Variants in CARMIL3 observed in about 807,000 individuals in gnomAD.
The protein encoded by CARMIL3 is capping protein regulator and myosin 1 linker 3.
In CARMIL3, 88 loss-of-function variants were observed where a neutral mutation model predicts 180.8. The observed-to-expected ratio is 0.49, with a 90% CI of 0.41 to 0.58. CARMIL3 has a LOEUF of 0.58. Among genes scored for constraint, CARMIL3 ranks in the 20% least tolerant of loss-of-function variants. CARMIL3 has a pLI of 0.00. For synonymous variants in CARMIL3, 696 were observed against 714.5 expected (o/e 0.97, Z 0.41); for missense variants, 1,548 against 1,787.0 (o/e 0.87, Z 2.41).
chr14:24,057,209 C>G lies in CARMIL3; in HGVS notation c.1105C>G (p.Leu369Val), dbSNP rs777421780. 6.2e-6 allele frequency: 10 copies of G among 1,613,978 alleles called. No individual in the cohort carries two copies. The Admixed American group carries it at 8.3e-5, about 13-fold the overall frequency. ...GGCCCAACCCAACGCCCTGGTGCAC[C>G]TGGACCTGTCAGGAACTGACTGCGT... ...FLAQPNALVH[L>V]DLSGTDCVID... Residue 369 changes from leucine (L) to valine (V), a missense_variant, in exon 14 of 40, where the codon CTG becomes GTG. Leu to Val is a conservative substitution (Grantham distance 32). Transcript: ENST00000342740.
In CARMIL3 at chr14:24,054,959, A is replaced by G; in HGVS notation, c.461-107A>G. The G allele has an allele frequency of 6.9e-7, 1 of 1,439,472 alleles. No homozygotes were observed. The highest frequency in any genetic ancestry group is 9.7e-7 in the Non-Finnish European group (1 of 1,034,810). The allele number at this position is 1,439,472 out of a possible 1,614,324, so 89.2% of individuals were successfully genotyped here. On this transcript the variant is annotated intron_variant, in intron 6 of 39. Coordinates refer to ENST00000342740, the MANE Select transcript of CARMIL3 (RefSeq NM_138360.4). The surrounding 1 kb of genome is among the most constrained non-coding windows in gnomAD (Gnocchi z 5.1). Reference sequence around the variant, plus strand: ...GACCTCAGGAAGTTCATGGCATAGCAAGAACCAAGAGCACTGGCACATAAA... The same window carrying G: ...GACCTCAGGAAGTTCATGGCATAGCGAGAACCAAGAGCACTGGCACATAAA...
Position 24,058,766 on chromosome 14 carries a change from G to T in CARMIL3, c.1474+5G>T, listed in dbSNP as rs1460825081. The stretch of plus-strand genomic sequence containing the variant: ...GCCTGGATCTGTCAGACAATGGTGA[G>T]TAGTGGTTCCTCCCTTCCCTGGGGC... On this transcript the variant is annotated splice_donor_5th_base_variant and intron_variant, in intron 18 of 39. Transcript: ENST00000342740. This position sits in a 1 kb window ranked among gnomAD's most constrained non-coding sequence, Gnocchi z 6.4. 1 of 1,614,098 alleles carries T rather than the reference G, an allele frequency of 6.2e-7. No individual in the cohort carries two copies. Among genetic ancestry groups the T allele is most frequent in the Admixed American group, 1.7e-5 (1 of 60,020 alleles).
intron 29 of CARMIL3, 69 bp downstream of exon 29, chr14:24,062,915 C>T: frequency 6.4e-7 from 1 of 1,555,590 alleles, no homozygotes; most frequent in Non-Finnish European, 8.7e-7. Flanking sequence ...CAACACTGTC[C>T]CCTTCCACTG....
In CARMIL3 at chr14:24,065,660, C is replaced by T. The variant is rs143201337; in HGVS notation, c.3435C>T (p.Ala1145=). 365 of 1,613,756 alleles carry T rather than the reference C, an allele frequency of 2.3e-4. 1 individual carries two copies. In the African/African-American group the frequency reaches 4.2e-3, roughly 19 times the overall value. The change falls in exon 34 of 40, where the codon GCC becomes GCT. Residue 1145 remains alanine, a synonymous_variant. Coordinates refer to ENST00000342740, the MANE Select transcript of CARMIL3 (RefSeq NM_138360.4). ...EGSEPGEGGP[A]PGTAQQPRVH... is the part of the protein sequence containing the mutation. ...CAGAGCCAGGGGAGGGGGGCCCAGC[C>T]CCTGGGACAGCACAGCAGCCAAGGG...
Position 24,061,470 on chromosome 14 carries a change from C to T in CARMIL3, c.2305-27C>T, listed in dbSNP as rs1291207931. 6.2e-7 allele frequency: 1 copy of T among 1,601,998 alleles called. No individual in the cohort carries two copies. Among genetic ancestry groups the T allele is most frequent in the South Asian group, 1.1e-5 (1 of 89,046 alleles). ...AGCCCTGATCCTGTCCCCCTTGGGC[C>T]TCTGGCCTCCCTTTCCCCCATACTA... is the stretch of plus-strand genomic sequence containing the variant. On this transcript the variant is annotated intron_variant, in intron 26 of 39. Transcript: ENST00000342740. The surrounding 1 kb of genome is among the most constrained non-coding windows in gnomAD (Gnocchi z 4.1).
At chr14:24,068,290 G>A (rs1294167101) in intron 36 of CARMIL3, among the ~76,000 whole-genome samples, 8 of 151,950 alleles carry the variant, frequency 5.3e-5, no homozygotes, top group Admixed American at 1.3e-4. Context: ...CCAGTTGTTC[G>A]GGAGGCTGAG....
At position 24,068,893 on chromosome 14, in the gene CARMIL3, T is replaced by TG. The variant is rs1566544842; in HGVS notation, c.3910dup (p.Ala1304GlyfsTer28). On this transcript the variant is annotated frameshift_variant, in exon 38 of 40. Coordinates refer to ENST00000342740, the MANE Select transcript of CARMIL3 (RefSeq NM_138360.4). LOFTEE classifies it high-confidence loss of function. The stretch of plus-strand genomic sequence containing the variant: ...TCAGGGAGGAGGCTGAGGCTGGAGA[T>TG]GCAGCTCCAGGAGTCAACAAACCCC... 1 of 1,606,314 alleles carries TG rather than the reference T, an allele frequency of 6.2e-7. No homozygotes were observed. The highest frequency in any genetic ancestry group is 8.5e-7 in the Non-Finnish European group (1 of 1,176,648).
chr14:24,055,125 G>A lies in CARMIL3; in HGVS notation c.520G>A (p.Glu174Lys), dbSNP rs1594547213. ...CDYNGLHCRE[E>K]VQWDVDTIYH... is the part of the protein sequence containing the mutation. ...CTACAATGGGCTACACTGCCGTGAG[G>A]AGGTTCAATGGGTATGTTGGGCAGG... Residue 174 changes from glutamate (E) to lysine (K), a missense_variant, in exon 7 of 40, where the codon GAG becomes AAG. By Grantham distance (56) the Glu-to-Lys change is moderately conservative. This residue lies in a region of CARMIL3 where 578 missense variants were observed against 666.5 expected (regional missense o/e 0.87). Coordinates refer to ENST00000342740, the MANE Select transcript of CARMIL3 (RefSeq NM_138360.4). The A allele has an allele frequency of 2.5e-6, 4 of 1,614,042 alleles. No individual in the cohort carries two copies. The highest frequency in any genetic ancestry group is 2.2e-5 in the East Asian group (1 of 44,880).
chr14:24,056,213 G>A (rs2035670071), intron 10 of CARMIL3, 86 bp from the exon 11 acceptor site: 2 of 1,109,470 alleles, frequency 1.8e-6, no homozygotes, highest in South Asian at 1.5e-5. Context: ...GCCCCAGCCA[G>A]GCAGTCAGGT....
intron 27 of CARMIL3, chr14:24,062,031 G>C (rs1207350662): frequency 3.1e-6 from 1 of 320,448 alleles, no homozygotes; most frequent in Non-Finnish European, 5.8e-6. Context: ...TGCCCCTAGA[G>C]TTCTTTCATT....
At chr14:24,066,773 C>A in intron 36 of CARMIL3, 117 bp downstream of exon 36, 1 of 1,015,792 alleles carries the variant, frequency 9.8e-7, no homozygotes, top group Non-Finnish European at 1.5e-6. Flanking sequence ...AGTGAGAAGT[C>A]AACACAGTGA....
chr14:24,068,334 T>A (rs12590845), intron 36 of CARMIL3, among the ~76,000 whole-genome samples: 41,893 of 148,268 alleles, frequency 0.28, 6,128 homozygotes, highest in East Asian at 0.48. Flanking sequence ...GAGGTGGAGG[T>A]TGCAGTGAGC....
rs190493569 is a variant in CARMIL3, at chr14:24,054,896, G to C, written c.460+88G>C. 1.9e-5 allele frequency: 28 copies of C among 1,455,672 alleles called. No individual in the cohort carries two copies. The African/African-American group carries it at 3.5e-4, about 18-fold the overall frequency. The allele number at this position is 1,455,672 out of a possible 1,614,324, so 90.2% of individuals were successfully genotyped here. A position where few individuals can be genotyped will look rare whatever the true frequency, so the allele number is the denominator to read the frequency against. ...TTTGTGCACAGGGTGTTGCCTGGGCGGGCGGGCTTTGCCTGCCTGAAGGAC... is the reference window on the plus strand; with the variant it reads ...TTTGTGCACAGGGTGTTGCCTGGGCCGGCGGGCTTTGCCTGCCTGAAGGAC... On this transcript the variant is annotated intron_variant, in intron 6 of 39. Transcript: ENST00000342740. This position sits in a 1 kb window ranked among gnomAD's most constrained non-coding sequence, Gnocchi z 5.1.
In CARMIL3 at chr14:24,060,137, A is replaced by C; in HGVS notation, c.1963-20A>C. 1 of 1,613,990 alleles carries C rather than the reference A, an allele frequency of 6.2e-7. No homozygotes were observed. Among genetic ancestry groups the C allele is most frequent in the Non-Finnish European group, 8.5e-7 (1 of 1,179,988 alleles). On this transcript the variant is annotated intron_variant, in intron 23 of 39. Coordinates refer to ENST00000342740, the MANE Select transcript of CARMIL3 (RefSeq NM_138360.4). ...AGCCCCCATCCCCAGGCCCTGACCC[A>C]CCAACCCCATCATCTCCAGATCCAA...
chr14:24,060,396 A>T (rs2035720800), intron 24 of CARMIL3, 141 bp downstream of exon 24: 4 of 1,123,748 alleles, frequency 3.6e-6, no homozygotes, highest in Non-Finnish European at 5.1e-6. Context: ...AAGCAAAAAG[A>T]GAGGACATGC....
Position 24,060,056 on chromosome 14 carries a change from G to A in CARMIL3, c.1955G>A (p.Trp652Ter). 6.2e-7 allele frequency: 1 copy of A among 1,613,926 alleles called. No individual in the cohort carries two copies. Among genetic ancestry groups the A allele is most frequent in the South Asian group, 1.1e-5 (1 of 91,090 alleles). The change falls in exon 23 of 40, where the codon TGG (tryptophan) becomes TAG (stop). Residue 652 changes from tryptophan to a stop codon, truncating the protein, a stop_gained. Coordinates refer to ENST00000342740, the MANE Select transcript of CARMIL3 (RefSeq NM_138360.4). LOFTEE classifies it high-confidence loss of function. ...GCGCCTGAGCGCACCGAGGACGTCT[G>A]GCAGAAGGTGCAGGGTGCTGTCCTA... ...RSAPERTEDV[W>*]QKIQWCLVRN...
intron 32 of CARMIL3, 85 bp downstream of exon 32, chr14:24,064,431 C>T: frequency 1.0e-6 from 1 of 981,092 alleles, no homozygotes; most frequent in Non-Finnish European, 1.6e-6. Context: ...CCATGGGAGT[C>T]TCCATAACAG....
At position 24,053,578 on chromosome 14, in the gene CARMIL3, C is replaced by T. The variant is rs2035640018; in HGVS notation, c.41-131C>T. On this transcript the variant is annotated intron_variant, in intron 1 of 39. Coordinates refer to ENST00000342740, the MANE Select transcript of CARMIL3 (RefSeq NM_138360.4). ...AAGAAGGAATGCCCTCTGTCCCTGT[C>T]CTCCCTTCTTTGTCTCTCTGTTTCT... 4.7e-6 allele frequency: 3 copies of T among 638,926 alleles called. No individual in the cohort carries two copies. In the Admixed American group the frequency reaches 9.6e-5, roughly 20 times the overall value. 39.6% of individuals were successfully genotyped at this position (638,926 alleles called of 1,614,324 possible).
rs544990916 is a variant in CARMIL3 at position 24,065,467 on chromosome 14, G to A, written c.3397-155G>A. On this transcript the variant is annotated intron_variant, in intron 33 of 39. Coordinates refer to ENST00000342740, the MANE Select transcript of CARMIL3 (RefSeq NM_138360.4). ...AGAGCATGCTGGGAGTGCTATATGC[G>A]AATGCAGGCGTTGGAAGGACTCTTC... 75 of 1,178,328 alleles carry A rather than the reference G, an allele frequency of 6.4e-5. No individual in the cohort carries two copies. The Middle Eastern group carries it at 8.5e-4, about 13-fold the overall frequency. 73.0% of individuals were successfully genotyped at this position (1,178,328 alleles called of 1,614,324 possible).
Sources: gnomAD v4.1 joint callset for allele counts (sites outside exome capture counted in the v4.1 genomes callset) on GRCh38, gnomAD v4.1.1 for gene constraint, gnomAD v4.1.1 regional missense constraint, Gnocchi (gnomAD v3.1) non-coding constraint, MANE v1.5 for transcripts, NCBI Gene and HGNC (gene_info 2026-07-23, HGNC 2026-07-21) for gene names.